CSDC2: variants seen among roughly 807,000 people sequenced by gnomAD.
CSDC2 encodes cold shock domain-containing protein C2.
CSDC2 carries 8 observed loss-of-function variants against 15.8 expected under a neutral mutation model. The observed-to-expected ratio is 0.51, with a 90% CI of 0.30 to 0.92. The LOEUF is 0.92. Ranked by LOEUF, CSDC2 falls within the 40% of genes least tolerant of loss-of-function variation. CSDC2 has a pLI of 0.07. For missense variants in CSDC2, 195 were observed against 213.3 expected (o/e 0.91, Z 0.53); for synonymous variants, 96 against 92.3 (o/e 1.04, Z -0.23).
chr22:41,574,616 G>A, intron 3 of CSDC2, 117 bp from the exon 4 acceptor site: 2 of 1,250,482 alleles, frequency 1.6e-6, no homozygotes, highest in Non-Finnish European at 1.1e-6. Context: ...AGCAAGGCCT[G>A]GCCAGGCCTC....
chr22:41,565,950 G>A (rs1352690734), intron 1 of CSDC2, among the ~76,000 whole-genome samples: 1 of 152,140 alleles, frequency 6.6e-6, no homozygotes, highest in Non-Finnish European at 1.5e-5. Context: ...GGCTCCTCCC[G>A]ACAACCTGGG....
intron 2 of CSDC2, 100 bp from the exon 3 acceptor site, chr22:41,573,555 A>G: frequency 7.1e-7 from 1 of 1,411,236 alleles, no homozygotes; most frequent in Middle Eastern, 2.7e-4. Flanking sequence ...AGTTTCTCAC[A>G]GCCCTGAGGC....
chr22:41,570,014 A>T (rs2067137186), intron 1 of CSDC2, among the ~76,000 whole-genome samples: 1 of 151,986 alleles, frequency 6.6e-6, no homozygotes, highest in African/African-American at 2.4e-5. Flanking sequence ...TCCTGACCTC[A>T]AGTGATCTGC....
At chr22:41,564,115 T>C (rs998320639) in intron 1 of CSDC2, among the ~76,000 whole-genome samples, 5 of 146,972 alleles carry the variant, frequency 3.4e-5, no homozygotes, top group African/African-American at 1.3e-4. Context: ...AGAAGAAGAA[T>C]GGGTGTACTA....
chr22:41,566,468 CA>C (rs927715454), intron 1 of CSDC2, among the ~76,000 whole-genome samples: 1 of 106,006 alleles, frequency 9.4e-6, no homozygotes, highest in African/African-American at 3.6e-5. Context: ...AAAAAAAAAA[CA>C]CACAAAAATT....
intron 1 of CSDC2, among the ~76,000 whole-genome samples, chr22:41,562,198 C>A (rs1236666678): frequency 6.6e-6 from 1 of 152,012 alleles, no homozygotes; most frequent in Non-Finnish European, 1.5e-5. Flanking sequence ...CCGGCAGGGG[C>A]CTCTCCCTGG....
In CSDC2 at chr22:41,575,115, G is replaced by A; in HGVS notation, c.*220G>A. On this transcript the variant is annotated 3_prime_UTR_variant, in exon 4 of 4. Coordinates refer to ENST00000306149, the MANE Select transcript of CSDC2 (RefSeq NM_014460.4). Reference sequence around the variant, plus strand: ...AAGCTGGCCAGGAGGTAGGTGGAGGGCAAGGCCACCAGACCTGGCTTCGCG... The same window carrying A: ...AAGCTGGCCAGGAGGTAGGTGGAGGACAAGGCCACCAGACCTGGCTTCGCG... 3.3e-6 allele frequency: 2 copies of A among 612,784 alleles called. No homozygotes were observed. The highest frequency in any genetic ancestry group is 5.7e-5 in the East Asian group (2 of 35,240). 38.0% of individuals were successfully genotyped at this position (612,784 alleles called of 1,614,324 possible).
chr22:41,566,932 A>G (rs2067119486), intron 1 of CSDC2, among the ~76,000 whole-genome samples: 1 of 151,936 alleles, frequency 6.6e-6, no homozygotes, highest in African/African-American at 2.4e-5. Context: ...GTCTCAAAAA[A>G]AAAAAAAAAA....
chr22:41,573,586 A>C, intron 2 of CSDC2, 69 bp from the exon 3 acceptor site: 1 of 1,547,284 alleles, frequency 6.5e-7, no homozygotes, highest in Non-Finnish European at 8.8e-7. Context: ...GAAAGGGCCC[A>C]GAATGGCTGT....
chr22:41,567,248 AT>A (rs1333995915), intron 1 of CSDC2, among the ~76,000 whole-genome samples: 1 of 152,202 alleles, frequency 6.6e-6, no homozygotes, highest in African/African-American at 2.4e-5. Context: ...AACAGAATTT[AT>A]ATTCACAGGA....
Position 41,575,751 on chromosome 22 carries a change from C to T in CSDC2, c.*856C>T, listed in dbSNP as rs1178978187. 2.6e-5 allele frequency: 4 copies of T among 152,314 alleles called. No individual in the cohort carries two copies. The highest frequency in any genetic ancestry group is 4.8e-5 in the African/African-American group (2 of 41,446). The allele number at this position is 152,314 out of a possible 1,614,324, so 9.4% of individuals were successfully genotyped here. Reference sequence around the variant, plus strand: ...CGGCTGACGGCTGCTGTGGATGCCGCGAGGGACGGACACACGTCCGGGGCA... The same window carrying T: ...CGGCTGACGGCTGCTGTGGATGCCGTGAGGGACGGACACACGTCCGGGGCA... On this transcript the variant is annotated 3_prime_UTR_variant, in exon 4 of 4. Transcript: ENST00000306149.
Position 41,573,668 on chromosome 22 carries a change from T to G in CSDC2, c.190T>G (p.Ser64Ala). Residue 64 changes from serine (S) to alanine (A), a missense_variant, in exon 3 of 4, where the codon TCA (serine) becomes GCA (alanine). By Grantham distance (99) the Ser-to-Ala change is moderately conservative. Transcript: ENST00000306149. ...CCCTATCTCCAGGACAGCCCGGGCC[T>G]CAGCTGGCCCCGTGTTCAAGGGCGT... ...TRTYSATARA[S>A]AGPVFKGVCK... 1 of 1,613,072 alleles carries G rather than the reference T, an allele frequency of 6.2e-7. No individual in the cohort carries two copies. The highest frequency in any genetic ancestry group is 1.1e-5 in the South Asian group (1 of 91,042).
At chr22:41,572,435 CCTGTCCATCCATCCATCCAT>C (rs2067152246) in intron 2 of CSDC2, among the ~76,000 whole-genome samples, 1 of 82,876 alleles carries the variant, frequency 1.2e-5, no homozygotes, top group Non-Finnish European at 2.6e-5. Context: ...CATCCATCCA[CCTGTCCATCCATCCATCCAT>C]CCATCCACCC....
At chr22:41,567,350 A>T (rs1201519877) in intron 1 of CSDC2, among the ~76,000 whole-genome samples, 1 of 152,244 alleles carries the variant, frequency 6.6e-6, no homozygotes, top group Non-Finnish European at 1.5e-5. Context: ...AGCCTCAGCT[A>T]TCTCATCTGT....
intron 1 of CSDC2, among the ~76,000 whole-genome samples, chr22:41,562,423 A>AAAAAAAG (rs2067091849): frequency 6.8e-6 from 1 of 147,090 alleles, no homozygotes. Context: ...AAAAAAAAAG[A>AAAAAAAG]CAGGTATAGA....
intron 1 of CSDC2, among the ~76,000 whole-genome samples, chr22:41,562,283 A>T (rs913223536): frequency 2.0e-5 from 3 of 151,006 alleles, no homozygotes; most frequent in South Asian, 2.1e-4. Flanking sequence ...AGTCCTCTGG[A>T]CCCTCCAAAT....
chr22:41,561,606 T>C (rs12484467), intron 1 of CSDC2, among the ~76,000 whole-genome samples: 29,765 of 152,250 alleles, frequency 0.2, 3,684 homozygotes, highest in Admixed American at 0.38. Flanking sequence ...CCTGGAATGT[T>C]GGGCTGGGAA....
At chr22:41,569,317 G>A (rs555912603) in intron 1 of CSDC2, among the ~76,000 whole-genome samples, 18 of 152,308 alleles carry the variant, frequency 1.2e-4, no homozygotes, top group East Asian at 3.9e-4. Context: ...TGCTTAAGGC[G>A]TTCAGTTCAG....
intron 1 of CSDC2, among the ~76,000 whole-genome samples, chr22:41,571,174 G>A (rs555569395): frequency 1.3e-5 from 2 of 152,036 alleles, no homozygotes; most frequent in African/African-American, 4.8e-5. Flanking sequence ...CCAACATGGT[G>A]AGACCCCATC....
Sources: gnomAD v4.1 joint callset for allele counts (sites outside exome capture counted in the v4.1 genomes callset) on GRCh38, gnomAD v4.1.1 for gene constraint, MANE v1.5 for transcripts, NCBI Gene and HGNC (gene_info 2026-07-23, HGNC 2026-07-21) for gene names.